Variants in GLIS3 observed in about 807,000 individuals in gnomAD.
GLIS3 encodes zinc finger protein GLIS3.
GLIS3 carries 53 observed loss-of-function variants against 78.6 expected under a neutral mutation model. The ratio of observed to expected loss-of-function variants is 0.67; its 90% CI spans 0.54 to 0.85. GLIS3 has a LOEUF of 0.85. Ranked by LOEUF, GLIS3 falls within the 40% of genes least tolerant of loss-of-function variation. GLIS3 has a pLI of 0.00. For missense variants in GLIS3, 1,703 were observed against 1,231.1 expected, an observed-to-expected ratio of 1.38 and a Z score of -5.74; for synonymous variants, 684 against 509.9, an observed-to-expected ratio of 1.34 and a Z score of -4.60.
intron 2 of GLIS3, among the ~76,000 whole-genome samples, chr9:4,183,511 T>C (rs1479697398): frequency 6.6e-6 from 1 of 152,182 alleles, no homozygotes; most frequent in African/African-American, 2.4e-5. Flanking sequence ...GAAGCAGCGA[T>C]CCTGAAAGCC....
intron 2 of GLIS3, among the ~76,000 whole-genome samples, chr9:4,177,598 T>A (rs1242360090): frequency 6.6e-6 from 1 of 152,224 alleles, no homozygotes; most frequent in Non-Finnish European, 1.5e-5. Context: ...AAAATCCTAC[T>A]GAGCTTGTTG....
At chr9:4,146,003 A>ATAAC (rs747595357) in intron 2 of GLIS3, among the ~76,000 whole-genome samples, 1 of 152,232 alleles carries the variant, frequency 6.6e-6, no homozygotes. Context: ...CACAACATTC[A>ATAAC]TAACTAATTT....
chr9:4,449,801 A>T, the GLIS3 span, among the ~76,000 whole-genome samples: 1 of 152,240 alleles, frequency 6.6e-6, no homozygotes, highest in Non-Finnish European at 1.5e-5. Flanking sequence ...TAGCATCAAC[A>T]TCAACAAAAA....
chr9:4,444,465 C>A, the GLIS3 span, among the ~76,000 whole-genome samples: 1 of 152,216 alleles, frequency 6.6e-6, no homozygotes, highest in Non-Finnish European at 1.5e-5. Flanking sequence ...TGATAATCTC[C>A]TGGCTCTAAT....
At chr9:4,355,987 G>A in the GLIS3 span, among the ~76,000 whole-genome samples, 1 of 152,188 alleles carries the variant, frequency 6.6e-6, no homozygotes, top group African/African-American at 2.4e-5. Flanking sequence ...TCAGTTCTGT[G>A]TGTTCTATGG....
intron 2 of GLIS3, among the ~76,000 whole-genome samples, chr9:4,244,624 G>T (rs1488182213): frequency 6.6e-6 from 1 of 152,100 alleles, no homozygotes; most frequent in Non-Finnish European, 1.5e-5. Context: ...ACCCAGGCTG[G>T]AATGCAATGG....
At chr9:4,352,409 C>G (rs1356085196), upstream of GLIS3, among the ~76,000 whole-genome samples, 2 of 152,250 alleles carry the variant, frequency 1.3e-5, no homozygotes, top group Non-Finnish European at 2.9e-5. Flanking sequence ...ACCTTGGGTC[C>G]TTTTGGCCTG....
At chr9:4,343,003 A>C (rs1171599898) in intron 2 of GLIS3, among the ~76,000 whole-genome samples, 2 of 152,184 alleles carry the variant, frequency 1.3e-5, no homozygotes, top group Non-Finnish European at 2.9e-5. Context: ...GGCATATGAA[A>C]AAATGTTTAA....
chr9:4,062,183 C>G (rs79555630), intron 4 of GLIS3, among the ~76,000 whole-genome samples: 7,653 of 152,212 alleles, frequency 0.05, 625 homozygotes, highest in African/African-American at 0.17. Context: ...AACAAATGCA[C>G]AGTCATATTA....
chr9:4,196,349 T>C (rs1337591750), intron 2 of GLIS3, among the ~76,000 whole-genome samples: 3 of 152,134 alleles, frequency 2.0e-5, no homozygotes, highest in Non-Finnish European at 4.4e-5. Flanking sequence ...TGGGGTCAGA[T>C]AAGGGAATAA....
chr9:4,389,546 C>G, the GLIS3 span, among the ~76,000 whole-genome samples: 14 of 152,138 alleles, frequency 9.2e-5, no homozygotes, highest in Non-Finnish European at 1.3e-4. Context: ...GTTCTTGGAT[C>G]TTGAACTAAC....
the GLIS3 span, among the ~76,000 whole-genome samples, chr9:4,396,399 G>A: frequency 1.9e-3 from 286 of 152,292 alleles, no homozygotes; most frequent in Middle Eastern, 0.01. Flanking sequence ...AAAGTGCTGG[G>A]ATTGCAGGCA....
intron 2 of GLIS3, among the ~76,000 whole-genome samples, chr9:4,206,249 T>C (rs957183726): frequency 1.3e-5 from 2 of 152,188 alleles, no homozygotes; most frequent in South Asian, 4.1e-4. Context: ...ATTGAAGACA[T>C]TTTAAAAAGA....
intron 4 of GLIS3, among the ~76,000 whole-genome samples, chr9:3,954,200 T>C (rs1223657614): frequency 1.3e-5 from 2 of 152,234 alleles, no homozygotes; most frequent in Non-Finnish European, 1.5e-5. Flanking sequence ...AAAATTACCT[T>C]TCTTTTTGCA....
At chr9:4,083,436 C>A (rs918349122) in intron 4 of GLIS3, among the ~76,000 whole-genome samples, 3 of 152,010 alleles carry the variant, frequency 2.0e-5, no homozygotes, top group African/African-American at 7.3e-5. Context: ...AGCTCCCAGC[C>A]TTGAATTTGT....
At chr9:4,250,639 C>T (rs4345623) in intron 2 of GLIS3, among the ~76,000 whole-genome samples, 1 of 152,084 alleles carries the variant, frequency 6.6e-6, no homozygotes, top group African/African-American at 2.4e-5. Context: ...TTAGTTATTT[C>T]TTGTCTGCTG....
intron 2 of GLIS3, among the ~76,000 whole-genome samples, chr9:4,256,960 A>G (rs373248591): frequency 6.6e-6 from 1 of 152,216 alleles, no homozygotes. Context: ...GTCCCTCAAC[A>G]GATGAATGGA....
intron 2 of GLIS3, among the ~76,000 whole-genome samples, chr9:4,339,610 T>C (rs796681494): frequency 4.4e-4 from 66 of 150,320 alleles, no homozygotes; most frequent in African/African-American, 1.4e-3. Context: ...CTGTTGTGTG[T>C]ATTTAGGGTC....
At chr9:3,841,879 T>C (rs1818740805) in intron 9 of GLIS3, among the ~76,000 whole-genome samples, 1 of 152,198 alleles carries the variant, frequency 6.6e-6, no homozygotes, top group Non-Finnish European at 1.5e-5. Flanking sequence ...CATCCTCCCT[T>C]CTCTGAGTAG....
Sources: allele counts gnomAD v4.1 joint callset (sites outside exome capture counted in the v4.1 genomes callset), GRCh38; gene constraint gnomAD v4.1.1; transcripts MANE v1.5; gene names NCBI Gene and HGNC (gene_info 2026-07-23, HGNC 2026-07-21).